SLC22A5: variants seen among roughly 807,000 people sequenced by gnomAD.
SLC22A5 encodes solute carrier family 22 member 5, also known as organic cation/carnitine transporter 2.
Under a neutral mutation model 56.7 loss-of-function variants are expected in SLC22A5, and 44 were observed. The observed-to-expected ratio is 0.78, with a 90% CI of 0.61 to 1.00. SLC22A5 has a LOEUF of 1.00. Among genes scored for constraint, SLC22A5 ranks in the 50% least tolerant of loss-of-function variants. SLC22A5 has a pLI of 0.00. For missense variants in SLC22A5, 675 were observed against 723.0 expected, an observed-to-expected ratio of 0.93 and a Z score of 0.76; for synonymous variants, 278 against 292.1, an observed-to-expected ratio of 0.95 and a Z score of 0.49.
chr5:132,392,464 G>A lies in SLC22A5; in HGVS notation c.1299G>A (p.Met433Ile), dbSNP rs748212030. The A allele has an allele frequency of 6.2e-7, 1 of 1,614,218 alleles. No individual in the cohort carries two copies. The highest frequency in any genetic ancestry group is 8.5e-7 in the Non-Finnish European group (1 of 1,180,028). ...DLYYLATVLV[M>I]VGKFGVTAAF... The stretch of plus-strand genomic sequence containing the variant: ...ATTATTTGGCTACAGTCCTGGTGAT[G>A]GTGGGCAAGTTTGGAGTCACGGCTG... The change falls in exon 8 of 10, where the codon ATG (methionine) becomes ATA (isoleucine). Residue 433 changes from methionine to isoleucine, a missense_variant. Met to Ile is a conservative substitution (Grantham distance 10). Coordinates refer to ENST00000245407, the MANE Select transcript of SLC22A5 (RefSeq NM_003060.4).
At chr5:132,370,417 C>T (rs1751864252) in intron 1 of SLC22A5, 52 bp downstream of exon 1, 8 of 1,587,032 alleles carry the variant, frequency 5.0e-6, no homozygotes, top group African/African-American at 1.3e-5. Flanking sequence ...GGACCTGTCG[C>T]GGTCCTTGAA....
intron 2 of SLC22A5, chr5:132,379,139 C>A (rs534154383): frequency 6.4e-6 from 1 of 156,636 alleles, no homozygotes; most frequent in Admixed American, 6.1e-5. Context: ...CCAAACCCCT[C>A]GAAATTATAT....
intron 1 of SLC22A5, 123 bp downstream of exon 1, chr5:132,370,488 A>T: frequency 1.7e-6 from 2 of 1,154,698 alleles, no homozygotes; most frequent in Non-Finnish European, 1.2e-6. Flanking sequence ...CCCAACGGTC[A>T]ACACCCTAGC....
chr5:132,380,163 C>T (rs1024317219), intron 2 of SLC22A5: 1 of 152,426 alleles, frequency 6.6e-6, no homozygotes, highest in African/African-American at 2.4e-5. Flanking sequence ...TCGAAAGTAG[C>T]CAGCTGAGGG....
rs1202888359 is a variant in SLC22A5, at chr5:132,392,523, T to A, written c.1358T>A (p.Leu453Gln). ...ATGGTCTACGTGTACACAGCCGAGC[T>A]GTATCCCACAGTGGTGAGAAACATG... The part of the protein sequence containing the change: ...FSMVYVYTAE[L>Q]YPTVVRNMGV... The change falls in exon 8 of 10, where the codon CTG (leucine) becomes CAG (glutamine). Residue 453 changes from leucine to glutamine, a missense_variant. Physicochemically the swap from Leu to Gln is moderately radical, Grantham distance 113. Transcript: ENST00000245407. The A allele has an allele frequency of 6.2e-7, 1 of 1,614,088 alleles. No individual in the cohort carries two copies. Among genetic ancestry groups the A allele is most frequent in the African/African-American group, 1.3e-5 (1 of 74,932 alleles).
At position 132,369,895 on chromosome 5, in the gene SLC22A5, C is replaced by T. The variant is rs13180043; in HGVS notation, c.-78C>T. The stretch of plus-strand genomic sequence containing the variant: ...GCTGCCTGGCTTGCCTGGTCGGCGG[C>T]GGGTGCCCCGCGCGCACGCGCAAAG... On this transcript the variant is annotated 5_prime_UTR_variant, in exon 1 of 10. Transcript: ENST00000245407. 123,626 of 1,557,066 alleles carry T rather than the reference C, an allele frequency of 0.079. 6,153 individuals are homozygous for T. The highest frequency in any genetic ancestry group is 0.29 in the East Asian group (12,761 of 43,578).
At chr5:132,372,175 C>A (rs1317228147) in intron 1 of SLC22A5, among the ~76,000 whole-genome samples, 3 of 152,076 alleles carry the variant, frequency 2.0e-5, no homozygotes. Context: ...GCTTTCTGGC[C>A]CATGAATCCA....
chr5:132,385,269 A>T, intron 3 of SLC22A5, 59 bp from the exon 4 acceptor site: 2 of 1,452,480 alleles, frequency 1.4e-6, no homozygotes, highest in East Asian at 2.3e-5. Flanking sequence ...TACCATAAAA[A>T]ATTAATAAGG....
rs1012140520 is a variant in SLC22A5, at chr5:132,370,287, G to C, written c.315G>C (p.Leu105=). ...TGGAGCCGGGGCGCGACGTGGACCT[G>C]GGGCAGCTGGAGCAGGAGAGCTGTC... ...LGLEPGRDVD[L]GQLEQESCLD... The change falls in exon 1 of 10, where the codon CTG becomes CTC. Residue 105 remains leucine, a synonymous_variant. Transcript: ENST00000245407. 7 of 1,606,960 alleles carry C rather than the reference G, an allele frequency of 4.4e-6. No homozygotes were observed. The Admixed American group carries it at 1.0e-4, about 23-fold the overall frequency.
At chr5:132,386,191 C>G (rs1752518655) in intron 4 of SLC22A5, among the ~76,000 whole-genome samples, 1 of 151,862 alleles carries the variant, frequency 6.6e-6, no homozygotes, top group Non-Finnish European at 1.5e-5. Flanking sequence ...GATAAACATG[C>G]TAATTTTTTT....
chr5:132,386,574 AAATC>A (rs1172839785), intron 4 of SLC22A5, among the ~76,000 whole-genome samples: 12 of 152,166 alleles, frequency 7.9e-5, no homozygotes, highest in Admixed American at 3.3e-4. Flanking sequence ...TCTGTTGGAT[AAATC>A]AGGGGTAGGG....
At chr5:132,387,785 C>T (rs1464821410) in intron 5 of SLC22A5, 1 of 160,190 alleles carries the variant, frequency 6.2e-6, no homozygotes, top group African/African-American at 2.4e-5. Flanking sequence ...CTACCTAGTT[C>T]CTGGTTCTTG....
chr5:132,377,949 G>A (rs2126775007), intron 1 of SLC22A5: 2 of 666,008 alleles, frequency 3.0e-6, no homozygotes, highest in Non-Finnish European at 5.0e-6. Flanking sequence ...TGGATGCTTT[G>A]GCCCGTAGAG....
In SLC22A5 at chr5:132,392,518, C is replaced by T. The variant is rs374662740; in HGVS notation, c.1353C>T (p.Ala451=). 2.9e-5 allele frequency: 47 copies of T among 1,613,864 alleles called. No homozygotes were observed. Among genetic ancestry groups the T allele is most frequent in the Middle Eastern group, 1.6e-4 (1 of 6,084 alleles). The change falls in exon 8 of 10, where the codon GCC becomes GCT. Residue 451 remains alanine (A), a synonymous_variant. Transcript: ENST00000245407. ...TTTCCATGGTCTACGTGTACACAGC[C>T]GAGCTGTATCCCACAGTGGTGAGAA... The part of the protein sequence containing the change: ...AAFSMVYVYT[A]ELYPTVVRNM...
chr5:132,383,879 G>A (rs1752432073), intron 2 of SLC22A5: 2 of 490,314 alleles, frequency 4.1e-6, no homozygotes, highest in Admixed American at 7.0e-5. Context: ...AATAATTGAT[G>A]TATTTCAGTC....
At position 132,384,210 on chromosome 5, in the gene SLC22A5, G is replaced by T. The variant is rs760566360; in HGVS notation, c.561G>T (p.Gln187His). The change falls in exon 3 of 10, where the codon CAG (glutamine) becomes CAT (histidine). Residue 187 changes from glutamine to histidine, a missense_variant. By Grantham distance (24) the Gln-to-His change is conservative. Coordinates refer to ENST00000245407, the MANE Select transcript of SLC22A5 (RefSeq NM_003060.4). ...TGCAGACAGGCTTCAGCTTCCTGCA[G>T]ATCTTCTCGAAGAATTTTGAGATGT... is the stretch of plus-strand genomic sequence containing the variant. ...MGMQTGFSFL[Q>H]IFSKNFEMFV... is the part of the protein sequence containing the mutation. 4 of 1,614,102 alleles carry T rather than the reference G, an allele frequency of 2.5e-6. No individual in the cohort carries two copies. Among genetic ancestry groups the T allele is most frequent in the Non-Finnish European group, 3.4e-6 (4 of 1,180,016 alleles).
At chr5:132,371,065 C>T (rs539200263) in intron 1 of SLC22A5, among the ~76,000 whole-genome samples, 69 of 150,986 alleles carry the variant, frequency 4.6e-4, no homozygotes, top group African/African-American at 1.6e-3. Flanking sequence ...CTGCAATCTT[C>T]GCCTTCCGGG....
In SLC22A5 at chr5:132,392,080, A is replaced by T. The variant is rs186912075; in HGVS notation, c.1268-353A>T. 2.0e-3 allele frequency among the ~76,000 whole-genome samples: 311 copies of T among 152,346 alleles called. 1 individual carries two copies. The highest frequency in any genetic ancestry group is 3.4e-3 in the Non-Finnish European group (234 of 68,024). ...TGAATTCTCCATTCATCTAAACATC[A>T]TGAGTTAATTCCATAGTGCCTGCAG... On this transcript the variant is annotated intron_variant, in intron 7 of 9. Transcript: ENST00000245407.
intron 2 of SLC22A5, chr5:132,383,871 T>C (rs1752431541): frequency 1.1e-5 from 5 of 471,272 alleles, no homozygotes; most frequent in South Asian, 5.4e-5. Flanking sequence ...ATGGATTAAA[T>C]AATTGATGTA....
Sources: allele counts gnomAD v4.1 joint callset (sites outside exome capture counted in the v4.1 genomes callset), GRCh38; gene constraint gnomAD v4.1.1; transcripts MANE v1.5; gene names NCBI Gene and HGNC (gene_info 2026-07-23, HGNC 2026-07-21).